The following AGBL4 variants were observed in gnomAD, a reference collection of about 807,000 sequenced individuals.
AGBL4 encodes AGBL carboxypeptidase 4, also known as cytosolic carboxypeptidase 6.
In AGBL4, 58 loss-of-function variants were observed where a neutral mutation model predicts 66.4. The observed-to-expected ratio is 0.87, with a 90% CI of 0.71 to 1.09. The LOEUF is 1.09. Ranked by LOEUF, AGBL4 falls within the 50% of genes least tolerant of loss-of-function variation. The pLI is 0.00. For synonymous variants in AGBL4, 234 were observed against 222.9 expected (o/e 1.05, Z -0.44); for missense variants, 579 against 631.0 (o/e 0.92, Z 0.88).
intron 1 of AGBL4, among the ~76,000 whole-genome samples, chr1:49,969,085 A>T (rs1273908878): frequency 1.3e-5 from 2 of 152,214 alleles, no homozygotes; most frequent in African/African-American, 4.8e-5. Context: ...TGGACTGACA[A>T]GCAACAGTAT....
chr1:49,829,582 C>A lies in AGBL4; in HGVS notation c.157+21814G>T, dbSNP rs147203068. ...GTATATAGTGACATTTCCATTTTTA[C>A]TGGAAATCTTTCCAAAATCATCTCA... On this transcript the variant is annotated intron_variant, in intron 2 of 13. Transcript: ENST00000371839. Among the ~76,000 whole-genome samples, 1,059 of 152,232 alleles carry A rather than the reference C, an allele frequency of 7.0e-3. 5 individuals carry two copies. The highest frequency in any genetic ancestry group is 0.013 in the Non-Finnish European group (860 of 67,986).
intron 6 of AGBL4, among the ~76,000 whole-genome samples, chr1:48,826,374 G>C (rs988291294): frequency 1.3e-5 from 2 of 152,192 alleles, no homozygotes; most frequent in Non-Finnish European, 2.9e-5. Context: ...CCATCACCAT[G>C]AACTACTGAA....
intron 3 of AGBL4, among the ~76,000 whole-genome samples, chr1:49,369,764 C>T (rs1220657229): frequency 3.3e-5 from 5 of 152,044 alleles, no homozygotes; most frequent in Non-Finnish European, 1.5e-5. Context: ...TCAGAGTTCA[C>T]GGCTGGGAAT....
chr1:49,704,254 G>A (rs1356644276), intron 2 of AGBL4, among the ~76,000 whole-genome samples: 1 of 151,996 alleles, frequency 6.6e-6, no homozygotes, highest in Non-Finnish European at 1.5e-5. Context: ...TAGTAATCAA[G>A]ACAGTTTGGT....
At chr1:48,822,974 T>G (rs1646348221) in intron 6 of AGBL4, among the ~76,000 whole-genome samples, 1 of 152,232 alleles carries the variant, frequency 6.6e-6, no homozygotes, top group Non-Finnish European at 1.5e-5. Flanking sequence ...AATGCAAACC[T>G]AGGTCTCATG....
intron 6 of AGBL4, among the ~76,000 whole-genome samples, chr1:48,787,125 A>T (rs1399856397): frequency 1.3e-5 from 2 of 152,188 alleles, no homozygotes; most frequent in Admixed American, 1.3e-4. Context: ...TGGTAGACAC[A>T]GGATTAAAAC....
chr1:49,428,736 G>T (rs985174312), intron 3 of AGBL4, among the ~76,000 whole-genome samples: 1 of 152,204 alleles, frequency 6.6e-6, no homozygotes, highest in Non-Finnish European at 1.5e-5. Flanking sequence ...AAAACCTACG[G>T]TGCCCCATTC....
At chr1:48,523,739 A>C in the AGBL4 span, among the ~76,000 whole-genome samples, 3 of 152,028 alleles carry the variant, frequency 2.0e-5, no homozygotes, top group Non-Finnish European at 4.4e-5. Context: ...ACAGTCATGC[A>C]TTGTTTAATG....
At chr1:49,168,516 G>A (rs1416776195) in intron 4 of AGBL4, among the ~76,000 whole-genome samples, 2 of 152,188 alleles carry the variant, frequency 1.3e-5, no homozygotes, top group African/African-American at 4.8e-5. Context: ...TAGTTAGAGT[G>A]AGGCTTTTGA....
intron 2 of AGBL4, among the ~76,000 whole-genome samples, chr1:49,731,424 A>G: frequency 6.6e-6 from 1 of 152,318 alleles, no homozygotes; most frequent in East Asian, 1.9e-4. Context: ...TTATGTTGTT[A>G]GTTTAAAAAA....
rs147797215 is a variant in AGBL4, at chr1:49,577,154, C to CT, written c.282+120158dup. On this transcript the variant is annotated intron_variant, in intron 3 of 13. Coordinates refer to ENST00000371839, the MANE Select transcript of AGBL4 (RefSeq NM_032785.4). ...ATGGACATTTCTACATGGTCAAAAA[C>CT]TGTGAAAATATTTGTATATCATGTG... 3.9e-5 allele frequency among the ~76,000 whole-genome samples: 6 copies of CT among 152,318 alleles called. No individual in the cohort carries two copies. The East Asian group carries it at 1.2e-3, about 29-fold the overall frequency.
intron 3 of AGBL4, among the ~76,000 whole-genome samples, chr1:49,601,176 T>C (rs953673117): frequency 3.3e-5 from 5 of 152,162 alleles, no homozygotes; most frequent in African/African-American, 1.2e-4. Context: ...TTTTGGACTG[T>C]CTTGCTAGGT....
At chr1:48,770,971 T>C (rs1230129419) in intron 6 of AGBL4, among the ~76,000 whole-genome samples, 1 of 152,240 alleles carries the variant, frequency 6.6e-6, no homozygotes, top group African/African-American at 2.4e-5. Context: ...CAGTGTTCAC[T>C]AAACAACTGT....
intron 3 of AGBL4, among the ~76,000 whole-genome samples, chr1:49,330,387 C>T (rs1436560809): frequency 6.6e-6 from 1 of 151,962 alleles, no homozygotes; most frequent in East Asian, 1.9e-4. Context: ...CCACTCTGCA[C>T]AAGTCTGGGT....
intron 3 of AGBL4, among the ~76,000 whole-genome samples, chr1:49,633,861 A>G (rs1270858675): frequency 6.8e-6 from 1 of 146,036 alleles, no homozygotes. Context: ...ATAGTTACAT[A>G]TAGTTAAATA....
At chr1:48,620,438 G>A (rs554550996) in intron 9 of AGBL4, among the ~76,000 whole-genome samples, 52 of 151,962 alleles carry the variant, frequency 3.4e-4, no homozygotes, top group African/African-American at 1.1e-3. Flanking sequence ...CATCATGCTC[G>A]GCTTTTAAAA....
At chr1:48,792,754 A>C (rs1645581971) in intron 6 of AGBL4, among the ~76,000 whole-genome samples, 1 of 152,226 alleles carries the variant, frequency 6.6e-6, no homozygotes, top group Admixed American at 6.5e-5. Context: ...GTGTAGAAGC[A>C]GAAAAGTGTG....
intron 6 of AGBL4, among the ~76,000 whole-genome samples, chr1:48,729,150 T>A (rs967611649): frequency 6.6e-6 from 1 of 152,240 alleles, no homozygotes; most frequent in Non-Finnish European, 1.5e-5. Context: ...ATAAACATGT[T>A]GCCTTTTTCA....
intron 11 of AGBL4, among the ~76,000 whole-genome samples, chr1:48,574,412 T>C (rs1644616205): frequency 6.6e-6 from 1 of 152,220 alleles, no homozygotes. Context: ...AATGAAATGA[T>C]GGTTCCGAAT....
Sources: gnomAD v4.1 joint callset for allele counts (sites outside exome capture counted in the v4.1 genomes callset) on GRCh38, gnomAD v4.1.1 for gene constraint, MANE v1.5 for transcripts, NCBI Gene and HGNC (gene_info 2026-07-23, HGNC 2026-07-21) for gene names.